Variants in BAZ2B observed in about 807,000 individuals in gnomAD.
The protein encoded by BAZ2B is bromodomain adjacent to zinc finger domain 2B, also known as bromodomain adjacent to zinc finger domain protein 2B.
Under a neutral mutation model 246.0 loss-of-function variants are expected in BAZ2B, and 91 were observed. The observed-to-expected ratio is 0.37, with a 90% CI of 0.31 to 0.44. The LOEUF (loss-of-function observed/expected upper bound fraction) is 0.44, where lower values mean the gene tolerates loss of function less well. BAZ2B is among the 20% of genes least tolerant of loss of function. The pLI is 1.00. For missense variants in BAZ2B, 2,332 were observed against 2,533.7 expected (o/e 0.92, Z 1.71); for synonymous variants, 855 against 860.0 (o/e 0.99, Z 0.10).
the BAZ2B span, among the ~76,000 whole-genome samples, chr2:159,701,625 A>C: frequency 3.4e-5 from 5 of 148,144 alleles, no homozygotes; most frequent in African/African-American, 1.2e-4. Context: ...ATTCTTCTTA[A>C]ATTATATATG....
intron 1 of BAZ2B, among the ~76,000 whole-genome samples, chr2:159,605,487 C>G (rs1272967150): frequency 6.6e-6 from 1 of 152,120 alleles, no homozygotes; most frequent in African/African-American, 2.4e-5. Context: ...ATATTAAATG[C>G]TACTTGGAAC....
chr2:159,357,994 C>G (rs2059295160), intron 27 of BAZ2B, among the ~76,000 whole-genome samples: 1 of 152,152 alleles, frequency 6.6e-6, no homozygotes, highest in Non-Finnish European at 1.5e-5. Flanking sequence ...AATACCGGTA[C>G]CAGCCACTGC....
intron 2 of BAZ2B, among the ~76,000 whole-genome samples, chr2:159,511,173 T>C (rs910468485): frequency 6.6e-6 from 1 of 152,164 alleles, no homozygotes; most frequent in African/African-American, 2.4e-5. Flanking sequence ...CAGAAAAAAT[T>C]AATCAGAATA....
intron 1 of BAZ2B, among the ~76,000 whole-genome samples, chr2:159,605,468 A>T (rs1693257790): frequency 6.6e-6 from 1 of 152,228 alleles, no homozygotes; most frequent in Non-Finnish European, 1.5e-5. Flanking sequence ...TTTAGTTGGT[A>T]CCTGCAGTAT....
In BAZ2B at chr2:159,430,944, G is replaced by A. The variant is rs1207313572; in HGVS notation, c.2113C>T (p.Pro705Ser). The change falls in exon 10 of 37, where the codon CCT becomes TCT. Residue 705 changes from proline to serine, a missense_variant. Physicochemically the swap from Pro to Ser is moderately conservative, Grantham distance 74. This residue lies in a region of BAZ2B where 651 missense variants were observed against 650.9 expected (regional missense o/e 1.00). Transcript: ENST00000392783. ...LHIAKAPGSAPAALCSESQSP... is the reference protein window; with the variant it reads ...LHIAKAPGSASAALCSESQSP... ...TGGGATTCAGAACATAAGGCAGCAG[G>A]AGCAGAGCCTGGGGCTTTTGCTATG... is the stretch of plus-strand genomic sequence containing the variant. The A allele has an allele frequency of 2.5e-6, 4 of 1,614,022 alleles. No homozygotes were observed. The East Asian group carries it at 6.7e-5, about 27-fold the overall frequency.
intron 34 of BAZ2B, among the ~76,000 whole-genome samples, chr2:159,327,185 G>A (rs1219007902): frequency 6.6e-6 from 1 of 151,850 alleles, no homozygotes; most frequent in Non-Finnish European, 1.5e-5. Flanking sequence ...CCGAGTAGCT[G>A]GGGCTACGAG....
At chr2:159,438,281 G>A (rs772111375) in intron 8 of BAZ2B, 22 bp downstream of exon 8, 5 of 1,587,344 alleles carry the variant, frequency 3.1e-6, no homozygotes, top group East Asian at 2.2e-5. Flanking sequence ...TAAAATTCTT[G>A]TATAAATAAT....
At chr2:159,645,824 G>T in the BAZ2B span, among the ~76,000 whole-genome samples, 1 of 151,990 alleles carries the variant, frequency 6.6e-6, no homozygotes, top group African/African-American at 2.4e-5. Flanking sequence ...TTTTTATTAG[G>T]GATTTGCAAA....
intron 2 of BAZ2B, among the ~76,000 whole-genome samples, chr2:159,485,801 G>T (rs1308355670): frequency 1.3e-5 from 2 of 151,938 alleles, no homozygotes; most frequent in African/African-American, 4.8e-5. Context: ...TTCATTGGCA[G>T]TCTTGATTCT....
In BAZ2B at chr2:159,382,652, G is replaced by GTCA. The variant is rs1559189105; in HGVS notation, c.3909_3911dup (p.Asp1306dup). ...CATCCCCTTGGTCATCACTGTCATC[G>GTCA]TCATCATCATCGTCATAATCACTGT... On this transcript the variant is annotated inframe_insertion, in exon 25 of 37. Transcript: ENST00000392783. The GTCA allele has an allele frequency of 2.5e-6, 4 of 1,594,364 alleles. No homozygotes were observed. Among genetic ancestry groups the GTCA allele is most frequent in the South Asian group, 2.2e-5 (2 of 89,274 alleles).
At chr2:159,318,541 T>C (rs2062347526), downstream of BAZ2B, among the ~76,000 whole-genome samples, 2 of 152,238 alleles carry the variant, frequency 1.3e-5, no homozygotes, top group African/African-American at 4.8e-5. Context: ...GCAAGGCCTG[T>C]CTTGTACGCC....
intron 13 of BAZ2B, 112 bp downstream of exon 13, chr2:159,427,829 C>T (rs1323313879): frequency 1.3e-6 from 1 of 779,476 alleles, no homozygotes; most frequent in South Asian, 1.7e-5. Flanking sequence ...TATGTATAGC[C>T]ATATGAACTA....
At chr2:159,329,118 G>T (rs2064232718) in intron 34 of BAZ2B, among the ~76,000 whole-genome samples, 1 of 142,546 alleles carries the variant, frequency 7.0e-6, no homozygotes, top group Non-Finnish European at 1.5e-5. Flanking sequence ...GCAACAGAGT[G>T]AGACTCTGTC....
intron 26 of BAZ2B, among the ~76,000 whole-genome samples, chr2:159,373,676 T>C (rs762791685): frequency 6.6e-6 from 1 of 151,986 alleles, no homozygotes; most frequent in East Asian, 1.9e-4. Flanking sequence ...ACAAAAAATA[T>C]GAAAAATCAG....
intron 27 of BAZ2B, among the ~76,000 whole-genome samples, chr2:159,355,428 C>T (rs948672662): frequency 1.3e-5 from 2 of 152,126 alleles, no homozygotes; most frequent in African/African-American, 4.8e-5. Flanking sequence ...TAGGATTGTT[C>T]CTTTCCAGGC....
At chr2:159,619,102 GA>G (rs561868210), upstream of BAZ2B, among the ~76,000 whole-genome samples, 66 of 151,916 alleles carry the variant, frequency 4.3e-4, no homozygotes, top group African/African-American at 1.4e-3. Context: ...CTAATCTACA[GA>G]AAAAACAATA....
the BAZ2B span, among the ~76,000 whole-genome samples, chr2:159,642,228 T>C: frequency 7.1e-6 from 1 of 140,426 alleles, no homozygotes; most frequent in African/African-American, 2.6e-5. Flanking sequence ...TCTTTTTCCT[T>C]TCTTTCTTTC....
At chr2:159,678,809 T>C in the BAZ2B span, among the ~76,000 whole-genome samples, 1 of 152,190 alleles carries the variant, frequency 6.6e-6, no homozygotes, top group Non-Finnish European at 1.5e-5. Context: ...CCAAAATCCC[T>C]TGTACTATTA....
At chr2:159,623,599 T>A in the BAZ2B span, among the ~76,000 whole-genome samples, 1 of 152,174 alleles carries the variant, frequency 6.6e-6, no homozygotes, top group Non-Finnish European at 1.5e-5. Context: ...AAGGGGCAGT[T>A]TTTGTTTCTT....
Sources: gnomAD v4.1 joint callset for allele counts (sites outside exome capture counted in the v4.1 genomes callset) on GRCh38, gnomAD v4.1.1 for gene constraint, gnomAD v4.1.1 regional missense constraint, MANE v1.5 for transcripts, NCBI Gene and HGNC (gene_info 2026-07-23, HGNC 2026-07-21) for gene names.